RGS5: variants seen among roughly 807,000 people sequenced by gnomAD.
RGS5 encodes the protein regulator of G-protein signalling 5.
In RGS5, 20 loss-of-function variants were observed where a neutral mutation model predicts 18.9. The observed-to-expected ratio is 1.06, with a 90% confidence interval of 0.74 to 1.54. RGS5 has a LOEUF of 1.54. Among genes scored for constraint, RGS5 ranks in the 40% most tolerant of loss-of-function variants. The probability of loss-of-function intolerance (pLI) is 0.00; values close to 1 mark genes in which losing one functional copy is unlikely to be tolerated. For missense variants in RGS5, 201 were observed against 211.8 expected (o/e 0.95, Z 0.32); for synonymous variants, 57 against 76.2 (o/e 0.75, Z 1.31).
chr1:163,183,839 C>A (rs1243939166), intron 1 of RGS5, among the ~76,000 whole-genome samples: 1 of 152,128 alleles, frequency 6.6e-6, no homozygotes, highest in East Asian at 1.9e-4. Context: ...CCAAAGCAGG[C>A]GCCCTCTTTC....
chr1:163,187,805 C>T (rs1321713576), intron 1 of RGS5, among the ~76,000 whole-genome samples: 1 of 152,140 alleles, frequency 6.6e-6, no homozygotes, highest in African/African-American at 2.4e-5. Flanking sequence ...CGCAAATTAA[C>T]TGAACCCAAA....
At chr1:163,238,441 C>A (rs906209330) in intron 2 of RGS5, 6 of 152,342 alleles carry the variant, frequency 3.9e-5, no homozygotes, top group Admixed American at 3.3e-4. Flanking sequence ...TGCAGAAACT[C>A]TCAGTGTTGA....
upstream of RGS5, among the ~76,000 whole-genome samples, chr1:163,205,220 T>C (rs1659915855): frequency 1.3e-5 from 2 of 151,814 alleles, no homozygotes; most frequent in Admixed American, 6.6e-5. Context: ...AAAGTTTCAG[T>C]TATGCAAAAT....
intron 2 of RGS5, among the ~76,000 whole-genome samples, chr1:163,302,279 T>C (rs1271196270): frequency 6.6e-6 from 1 of 151,526 alleles, no homozygotes; most frequent in Non-Finnish European, 1.5e-5. Flanking sequence ...TGTAGTCTTT[T>C]GTATATGCAA....
At chr1:163,283,634 C>T (rs1649056767) in intron 2 of RGS5, among the ~76,000 whole-genome samples, 1 of 152,102 alleles carries the variant, frequency 6.6e-6, no homozygotes, top group East Asian at 1.9e-4. Flanking sequence ...GGATGTCACT[C>T]TCATAATTAC....
At chr1:163,247,981 ACT>A (rs1647992132) in intron 2 of RGS5, among the ~76,000 whole-genome samples, 1 of 152,030 alleles carries the variant, frequency 6.6e-6, no homozygotes, top group South Asian at 2.1e-4. Context: ...ATGGGCCTTG[ACT>A]CTGTTTCTCC....
intron 2 of RGS5, among the ~76,000 whole-genome samples, chr1:163,264,049 C>T (rs1648517712): frequency 6.6e-6 from 1 of 151,964 alleles, no homozygotes; most frequent in South Asian, 2.1e-4. Context: ...TTGGCACAAA[C>T]TGGGGGAAAT....
chr1:163,226,378 G>A (rs1450766923), intron 2 of RGS5, among the ~76,000 whole-genome samples: 2 of 152,216 alleles, frequency 1.3e-5, no homozygotes, highest in African/African-American at 2.4e-5. Flanking sequence ...CACCTCTAGA[G>A]TTGGGGAAAT....
In RGS5 at chr1:163,299,895, A is replaced by G. The variant is rs1649510217; in HGVS notation, c.-281+6338T>C. Among the ~76,000 whole-genome samples the G allele has an allele frequency of 1.3e-5, 2 of 152,224 alleles. 1 individual carries two copies. The highest frequency in any genetic ancestry group is 4.1e-4 in the South Asian group (2 of 4,824). On this transcript the variant is annotated intron_variant, in intron 2 of 5. Coordinates refer to the RGS5 transcript ENST00000618415. ...TGTTTTGTCACAATTTTTCTCTCCAATTATTCTGAGAATATTTTGGAAAGG... is the reference window on the plus strand; with the variant it reads ...TGTTTTGTCACAATTTTTCTCTCCAGTTATTCTGAGAATATTTTGGAAAGG...
upstream of RGS5, among the ~76,000 whole-genome samples, chr1:163,218,794 G>C (rs1509018): frequency 0.54 from 82,464 of 151,976 alleles, 22,606 homozygotes; most frequent in Non-Finnish European, 0.6. Context: ...AAAAGACAAA[G>C]AGATTGCCTC....
intron 3 of RGS5, 122 bp downstream of exon 3, chr1:163,161,793 T>C: frequency 1.4e-6 from 1 of 716,638 alleles, no homozygotes; most frequent in South Asian, 1.6e-5. Flanking sequence ...CTTATTGATA[T>C]CACCTTCAAA....
chr1:163,156,871 C>A (rs1250336887), intron 3 of RGS5, among the ~76,000 whole-genome samples: 1 of 152,112 alleles, frequency 6.6e-6, no homozygotes, highest in Non-Finnish European at 1.5e-5. Flanking sequence ...TTAACATATG[C>A]AAAGTGCTTA....
At chr1:163,242,626 G>A (rs1287181036) in intron 2 of RGS5, among the ~76,000 whole-genome samples, 1 of 152,146 alleles carries the variant, frequency 6.6e-6, no homozygotes, top group Non-Finnish European at 1.5e-5. Flanking sequence ...CAGGCAGAAG[G>A]GACAGCATAA....
chr1:163,290,925 A>G (rs1649266818), intron 2 of RGS5, among the ~76,000 whole-genome samples: 1 of 152,150 alleles, frequency 6.6e-6, no homozygotes, highest in Non-Finnish European at 1.5e-5. Context: ...AAAAAGGCCA[A>G]CATTATTTGT....
intron 1 of RGS5, among the ~76,000 whole-genome samples, chr1:163,188,906 TC>T (rs1659214008): frequency 7.7e-6 from 1 of 129,998 alleles, no homozygotes; most frequent in Non-Finnish European, 1.5e-5. Context: ...TGAGCCAAGA[TC>T]GCACCACCAC....
intron 2 of RGS5, among the ~76,000 whole-genome samples, chr1:163,271,443 T>C (rs1292044730): frequency 6.6e-6 from 1 of 152,146 alleles, no homozygotes; most frequent in Non-Finnish European, 1.5e-5. Context: ...AGGATACTAG[T>C]TGATGGCCAT....
rs1350963717 is a variant in RGS5 at position 163,146,190 on chromosome 1, T to C, written c.*1152A>G. The C allele has an allele frequency of 6.6e-6, 1 of 151,800 alleles. No individual in the cohort carries two copies. The highest frequency in any genetic ancestry group is 2.4e-5 in the African/African-American group (1 of 41,330). 9.4% of individuals were successfully genotyped at this position (151,800 alleles called of 1,614,324 possible). Reference sequence around the variant, plus strand: ...ACTTTTGACTGTAAGTAAAATTTGCTAATGCAGGAAGCGAAATAGTGAAGG... The same window carrying C: ...ACTTTTGACTGTAAGTAAAATTTGCCAATGCAGGAAGCGAAATAGTGAAGG... On this transcript the variant is annotated 3_prime_UTR_variant, in exon 5 of 5. Transcript: ENST00000313961.
At chr1:163,202,392 C>T (rs1420105155) in intron 1 of RGS5, among the ~76,000 whole-genome samples, 6 of 152,102 alleles carry the variant, frequency 3.9e-5, no homozygotes, top group African/African-American at 1.4e-4. Context: ...AACTGAGCTA[C>T]ATAGAGGTTA....
At chr1:163,174,489 C>A (rs1456975323) in intron 1 of RGS5, among the ~76,000 whole-genome samples, 1 of 152,168 alleles carries the variant, frequency 6.6e-6, no homozygotes, top group Non-Finnish European at 1.5e-5. Context: ...TATTGGAGTG[C>A]AGCTTAGAAT....
Sources: allele counts gnomAD v4.1 joint callset (sites outside exome capture counted in the v4.1 genomes callset), GRCh38; gene constraint gnomAD v4.1.1; transcripts MANE v1.5; gene names NCBI Gene and HGNC (gene_info 2026-07-23, HGNC 2026-07-21).